The following CRYBG3 variants were observed in gnomAD, a reference collection of about 807,000 sequenced individuals.
CRYBG3 encodes very large A-kinase anchor protein.
In CRYBG3, 127 loss-of-function variants were observed where a neutral mutation model predicts 244.2. The ratio of observed to expected loss-of-function variants is 0.52; its 90% CI spans 0.45 to 0.60. The LOEUF is 0.60. Among genes scored for constraint, CRYBG3 ranks in the 20% least tolerant of loss-of-function variants. The pLI is 0.00. For missense variants in CRYBG3, 3,325 were observed against 3,442.5 expected (o/e 0.97, Z 0.85); for synonymous variants, 1,132 against 1,195.8 (o/e 0.95, Z 1.10).
At chr3:97,870,243 G>A (rs896562505) in intron 3 of CRYBG3, among the ~76,000 whole-genome samples, 4 of 152,098 alleles carry the variant, frequency 2.6e-5, no homozygotes, top group Admixed American at 1.3e-4. Flanking sequence ...TCGTCACCCA[G>A]GTAATGGACA....
intron 1 of CRYBG3, among the ~76,000 whole-genome samples, chr3:97,841,949 C>T (rs1352999011): frequency 1.3e-5 from 2 of 152,194 alleles, no homozygotes; most frequent in East Asian, 3.9e-4. Context: ...TCTATTACCA[C>T]CTGCTTTTGC....
chr3:97,899,327 A>G, intron 14 of CRYBG3, 64 bp downstream of exon 14: 1 of 1,524,082 alleles, frequency 6.6e-7, no homozygotes, highest in East Asian at 2.3e-5. Context: ...AATATGTGGA[A>G]AACACTTTTT....
At position 97,874,054 on chromosome 3, in the gene CRYBG3, A is replaced by G. The variant is rs1362663071; in HGVS notation, c.2860A>G (p.Arg954Gly). 1.3e-6 allele frequency: 2 copies of G among 1,535,866 alleles called. No homozygotes were observed. Among genetic ancestry groups the G allele is most frequent in the Non-Finnish European group, 1.7e-6 (2 of 1,146,810 alleles). Residue 954 changes from arginine (R) to glycine (G), a missense_variant, in exon 4 of 22, where the codon AGG (arginine) becomes GGG (glycine). This residue lies in a region of CRYBG3 where 1,526 missense variants were observed against 1,443.2 expected (regional missense o/e 1.06). Coordinates refer to ENST00000389622, the MANE Select transcript of CRYBG3 (RefSeq NM_153605.4). ...LPPIHDEKIS[R>G]QMAQNCEAHT... ...ACCTATTCATGATGAAAAAATCAGTAGGCAAATGGCGCAGAATTGTGAAGC... is the reference window on the plus strand; with the variant it reads ...ACCTATTCATGATGAAAAAATCAGTGGGCAAATGGCGCAGAATTGTGAAGC...
intron 12 of CRYBG3, among the ~76,000 whole-genome samples, chr3:97,897,448 A>G (rs554719616): frequency 1.3e-5 from 2 of 152,120 alleles, no homozygotes; most frequent in South Asian, 4.2e-4. Context: ...AAAATGGAAT[A>G]CAGTTTTTAA....
chr3:97,826,773 A>G (rs2038582998), intron 1 of CRYBG3, among the ~76,000 whole-genome samples: 1 of 152,226 alleles, frequency 6.6e-6, no homozygotes, highest in African/African-American at 2.4e-5. Flanking sequence ...ATGACCAAAT[A>G]TGCCTTCATA....
chr3:97,876,314 T>G lies in CRYBG3; in HGVS notation c.5120T>G (p.Val1707Gly). The G allele has an allele frequency of 8.1e-7, 1 of 1,231,888 alleles. No homozygotes were observed. The highest frequency in any genetic ancestry group is 1.0e-6 in the Non-Finnish European group (1 of 987,916). The allele number at this position is 1,231,888 out of a possible 1,614,324, so 76.3% of individuals were successfully genotyped here. The change falls in exon 4 of 22, where the codon GTG becomes GGG. Residue 1707 changes from valine (V) to glycine (G), a missense_variant. By Grantham distance (109) the Val-to-Gly change is moderately radical. This residue lies in a region of CRYBG3 where 635 missense variants were observed against 771.7 expected (regional missense o/e 0.82). Transcript: ENST00000389622. ...GAAGGGATTAGTGAAAAGGCTGAAG[T>G]GATACCCGTTACATTAGCAATGGAA... ...GGEGISEKAE[V>G]IPVTLAMENT...
intron 2 of CRYBG3, among the ~76,000 whole-genome samples, chr3:97,850,928 T>C (rs1420182825): frequency 6.6e-6 from 1 of 152,058 alleles, no homozygotes; most frequent in Non-Finnish European, 1.5e-5. Flanking sequence ...GATCAGGAAA[T>C]GGAGACCAGC....
rs749360462 is a variant in CRYBG3 at position 97,881,225 on chromosome 3, A to T, written c.7152+6A>T. ...CTCTCAAACGTGTCTTAAAGGTAAC[A>T]ACTGTAGATTTTTCTATTTTTTATT... On this transcript the variant is annotated splice_donor_region_variant and intron_variant, in intron 7 of 21. Coordinates refer to ENST00000389622, the MANE Select transcript of CRYBG3 (RefSeq NM_153605.4). The T allele has an allele frequency of 1.3e-6, 2 of 1,568,850 alleles. No individual in the cohort carries two copies. The highest frequency in any genetic ancestry group is 2.0e-5 in the Admixed American group (1 of 50,938).
intron 2 of CRYBG3, among the ~76,000 whole-genome samples, chr3:97,860,874 T>G (rs1214368009): frequency 3.3e-5 from 5 of 152,100 alleles, no homozygotes; most frequent in Non-Finnish European, 7.4e-5. Flanking sequence ...ACATCGTATA[T>G]TGCCAAACTA....
In CRYBG3 at chr3:97,875,303, A is replaced by T; in HGVS notation, c.4109A>T (p.Gln1370Leu). ...VSEQPVNQST[Q>L]ISENKVLNEF... The stretch of plus-strand genomic sequence containing the variant: ...GAACAGCCAGTAAATCAAAGCACAC[A>T]AATTAGTGAAAATAAAGTATTAAAT... Residue 1370 changes from glutamine (Q) to leucine (L), a missense_variant, in exon 4 of 22, where the codon CAA becomes CTA. Around this residue, in one of 4 missense-constraint regions of CRYBG3, gnomAD observed 635 missense variants for 771.7 expected, o/e 0.82. Coordinates refer to ENST00000389622, the MANE Select transcript of CRYBG3 (RefSeq NM_153605.4). 6.9e-7 allele frequency: 1 copy of T among 1,446,702 alleles called. No homozygotes were observed. The highest frequency in any genetic ancestry group is 1.5e-5 in the South Asian group (1 of 67,562). The allele number at this position is 1,446,702 out of a possible 1,614,324, so 89.6% of individuals were successfully genotyped here.
At chr3:97,925,418 C>T (rs1330610556) in intron 17 of CRYBG3, among the ~76,000 whole-genome samples, 1 of 151,932 alleles carries the variant, frequency 6.6e-6, no homozygotes, top group East Asian at 1.9e-4. Flanking sequence ...GTGTTAATTA[C>T]AATGGTGGGG....
chr3:97,933,346 T>C (rs1194846403), intron 17 of CRYBG3, among the ~76,000 whole-genome samples: 1 of 152,080 alleles, frequency 6.6e-6, no homozygotes, highest in Non-Finnish European at 1.5e-5. Context: ...TCCATATTTA[T>C]TCTGTTGCCA....
At chr3:97,863,577 C>T (rs1022567355) in intron 2 of CRYBG3, among the ~76,000 whole-genome samples, 3 of 152,034 alleles carry the variant, frequency 2.0e-5, no homozygotes, top group Non-Finnish European at 2.9e-5. Context: ...CTGTCTTTTC[C>T]TCATCTTCTT....
rs1236966640 is a variant in CRYBG3 at position 97,874,326 on chromosome 3, C to T, written c.3132C>T (p.Tyr1044=). Reference sequence around the variant, plus strand: ...AATTGGAAAAGAAATCCTCATCTTACAGAAAGAAAGAGAACATCCATTTTT... The same window carrying T: ...AATTGGAAAAGAAATCCTCATCTTATAGAAAGAAAGAGAACATCCATTTTT... ...VLKLEKKSSS[Y]RKKENIHFLN... is the part of the protein sequence containing the mutation. Residue 1044 remains tyrosine (Y), a synonymous_variant, in exon 4 of 22, where the codon TAC becomes TAT. Coordinates refer to ENST00000389622, the MANE Select transcript of CRYBG3 (RefSeq NM_153605.4). 3.3e-6 allele frequency: 5 copies of T among 1,527,256 alleles called. No individual in the cohort carries two copies. The Admixed American group carries it at 1.0e-4, about 31-fold the overall frequency. The allele number at this position is 1,527,256 out of a possible 1,614,324, so 94.6% of individuals were successfully genotyped here.
chr3:97,864,676 A>C, intron 3 of CRYBG3, 29 bp downstream of exon 3: 1 of 1,472,900 alleles, frequency 6.8e-7, no homozygotes, highest in Non-Finnish European at 9.0e-7. Context: ...TGAACCAAAA[A>C]AAATTGAGCT....
At chr3:97,935,737 T>C (rs2040157108) in intron 18 of CRYBG3, among the ~76,000 whole-genome samples, 1 of 152,060 alleles carries the variant, frequency 6.6e-6, no homozygotes, top group Non-Finnish European at 1.5e-5. Context: ...GTAGCTTGTG[T>C]CCTAAGCCCT....
At chr3:97,859,112 G>A (rs532861599) in intron 2 of CRYBG3, among the ~76,000 whole-genome samples, 4 of 152,296 alleles carry the variant, frequency 2.6e-5, no homozygotes, top group Admixed American at 2.0e-4. Flanking sequence ...GTGGGTCTGT[G>A]GAAGCAGTGA....
chr3:97,878,132 C>A, intron 4 of CRYBG3, 95 bp downstream of exon 4: 2 of 1,167,848 alleles, frequency 1.7e-6, no homozygotes, highest in Admixed American at 2.4e-5. Flanking sequence ...ATGTTTTGGC[C>A]AAGCATGGTG....
chr3:97,842,574 T>C (rs2038836903), intron 1 of CRYBG3, among the ~76,000 whole-genome samples: 1 of 151,974 alleles, frequency 6.6e-6, no homozygotes, highest in African/African-American at 2.4e-5. Flanking sequence ...AAAAAAATCT[T>C]AAATGTGTCT....
Sources: allele counts gnomAD v4.1 joint callset (sites outside exome capture counted in the v4.1 genomes callset), GRCh38; gene constraint gnomAD v4.1.1; regional missense constraint gnomAD v4.1.1; transcripts MANE v1.5; gene names NCBI Gene and HGNC (gene_info 2026-07-23, HGNC 2026-07-21).